The following ANO10 variants were observed in gnomAD, a reference collection of about 807,000 sequenced individuals.
ANO10 encodes the protein anoctamin 10.
A neutral mutation model predicts 74.7 loss-of-function variants in ANO10; 77 were observed. The observed-to-expected ratio is 1.03, with a 90% CI of 0.86 to 1.25. The LOEUF is 1.25. Among genes scored for constraint, ANO10 ranks in the 50% most tolerant of loss-of-function variants. The probability of loss-of-function intolerance (pLI) is 0.00; values close to 1 mark genes in which losing one functional copy is unlikely to be tolerated. For synonymous variants in ANO10, 279 were observed against 284.9 expected, an observed-to-expected ratio of 0.98 and a Z score of 0.21; for missense variants, 721 against 778.1, an observed-to-expected ratio of 0.93 and a Z score of 0.87.
At chr3:43,389,705 G>A (rs1471985397) in intron 12 of ANO10, among the ~76,000 whole-genome samples, 4 of 152,158 alleles carry the variant, frequency 2.6e-5, no homozygotes. Context: ...GAAAACCAAT[G>A]GAAAGGAAGA....
At chr3:43,541,233 T>C (rs2078940602) in intron 11 of ANO10, among the ~76,000 whole-genome samples, 2 of 152,232 alleles carry the variant, frequency 1.3e-5, no homozygotes, top group African/African-American at 2.4e-5. Context: ...ACCTTTCAAT[T>C]AGGTGAAGAG....
chr3:43,664,076 A>C (rs2083958606), intron 1 of ANO10, among the ~76,000 whole-genome samples: 1 of 152,232 alleles, frequency 6.6e-6, no homozygotes, highest in Non-Finnish European at 1.5e-5. Flanking sequence ...TAGCCAAGAC[A>C]ATCCTGGGCA....
At chr3:43,476,080 A>G (rs1309080572) in intron 11 of ANO10, among the ~76,000 whole-genome samples, 1 of 152,180 alleles carries the variant, frequency 6.6e-6, no homozygotes, top group Admixed American at 6.5e-5. Context: ...AGAATCATAT[A>G]TTTTGATACA....
At chr3:43,636,102 C>A (rs1398619440) in intron 1 of ANO10, among the ~76,000 whole-genome samples, 4 of 152,030 alleles carry the variant, frequency 2.6e-5, no homozygotes, top group Non-Finnish European at 5.9e-5. Flanking sequence ...AACAAAGATT[C>A]AAGTGCAAGC....
intron 12 of ANO10, among the ~76,000 whole-genome samples, chr3:43,375,719 TCC>T (rs2091777809): frequency 6.6e-6 from 1 of 152,130 alleles, no homozygotes; most frequent in Non-Finnish European, 1.5e-5. Context: ...CAGGCAGGAC[TCC>T]CTGGACTCCA....
At chr3:43,550,961 T>C (rs1475952053) in intron 10 of ANO10, among the ~76,000 whole-genome samples, 1 of 152,192 alleles carries the variant, frequency 6.6e-6, no homozygotes, top group East Asian at 1.9e-4. Context: ...TCCTACTCCC[T>C]TTTCAGCATA....
At chr3:43,532,040 T>C (rs1389116911) in intron 11 of ANO10, among the ~76,000 whole-genome samples, 9 of 152,212 alleles carry the variant, frequency 5.9e-5, no homozygotes, top group Admixed American at 5.9e-4. Context: ...TGCTGATTCA[T>C]CTGCCAGCCC....
At chr3:43,682,699 G>A (rs565404690) in intron 1 of ANO10, among the ~76,000 whole-genome samples, 28 of 152,228 alleles carry the variant, frequency 1.8e-4, no homozygotes, top group Non-Finnish European at 2.6e-4. Context: ...CTGGCAAACC[G>A]AATCCAGCAG....
intron 3 of ANO10, among the ~76,000 whole-genome samples, chr3:43,599,288 G>A (rs949009798): frequency 2.0e-5 from 3 of 152,114 alleles, no homozygotes; most frequent in Non-Finnish European, 2.9e-5. Flanking sequence ...GCCCTGGCAG[G>A]GATCAGTTTG....
At chr3:43,571,260 T>G (rs1205497243) in intron 7 of ANO10, among the ~76,000 whole-genome samples, 1 of 152,040 alleles carries the variant, frequency 6.6e-6, no homozygotes, top group African/African-American at 2.4e-5. Context: ...GTTCAACCAT[T>G]GTGGAAGTCA....
At chr3:43,568,160 AC>A (rs932233055) in intron 7 of ANO10, among the ~76,000 whole-genome samples, 4 of 114,976 alleles carry the variant, frequency 3.5e-5, no homozygotes, top group South Asian at 7.2e-4. Context: ...TGCACCCAAT[AC>A]AGGAGCACCA....
At chr3:43,654,703 A>C (rs1192128334) in intron 1 of ANO10, among the ~76,000 whole-genome samples, 3 of 152,162 alleles carry the variant, frequency 2.0e-5, no homozygotes, top group African/African-American at 7.2e-5. Flanking sequence ...GATGGACAAG[A>C]GAAGAGAAGT....
chr3:43,538,822 G>A lies in ANO10; in HGVS notation c.1797+10898C>T, dbSNP rs537990236. On this transcript the variant is annotated intron_variant, in intron 11 of 12. Transcript: ENST00000292246. ...ACTGTTTCAGCTTCCTCAACCCAAC[G>A]AAGAGGCTGCTCCTGGTAAGGAGAG... 7.9e-5 allele frequency among the ~76,000 whole-genome samples: 12 copies of A among 152,240 alleles called. 1 individual carries two copies. In the South Asian group the frequency reaches 2.1e-3, roughly 26 times the overall value.
In ANO10 at chr3:43,543,705, AG is replaced by A. The variant is rs1223254505; in HGVS notation, c.1797+6014del. 2.6e-5 allele frequency among the ~76,000 whole-genome samples: 4 copies of A among 152,204 alleles called. No individual in the cohort carries two copies. In the East Asian group the frequency reaches 7.7e-4, roughly 29 times the overall value. On this transcript the variant is annotated intron_variant, in intron 11 of 12. Coordinates refer to ENST00000292246, the MANE Select transcript of ANO10 (RefSeq NM_018075.5). The stretch of plus-strand genomic sequence containing the variant: ...CCCGGCCTCAATTCTGCTTCTAAGC[AG>A]CTGCTGGCAGATGGAGAGGGGGTGC...
chr3:43,512,587 A>C lies in ANO10; in HGVS notation c.1797+37133T>G, dbSNP rs1285023339. Among the ~76,000 whole-genome samples, 3 of 152,160 alleles carry C rather than the reference A, an allele frequency of 2.0e-5. No homozygotes were observed. In the East Asian group the frequency reaches 5.8e-4, roughly 29 times the overall value. ...ATATATTACGTTTTGCAGTGGTGTG[A>C]ACAAGAATCTTGGACTAGAGGTTGC... On this transcript the variant is annotated intron_variant, in intron 11 of 12. Transcript: ENST00000292246.
At chr3:43,423,061 T>C (rs960057806) in intron 12 of ANO10, among the ~76,000 whole-genome samples, 2 of 152,084 alleles carry the variant, frequency 1.3e-5, no homozygotes, top group Non-Finnish European at 2.9e-5. Context: ...GGGGTTATTT[T>C]ACAATCTTGG....
chr3:43,691,411 A>G (rs570710723), intron 1 of ANO10: 25 of 169,260 alleles, frequency 1.5e-4, no homozygotes, highest in African/African-American at 1.9e-4. Flanking sequence ...GCCTGCCCCA[A>G]TGCCGCCGGC....
chr3:43,368,352 A>G (rs116283645), intron 12 of ANO10, among the ~76,000 whole-genome samples: 1,769 of 152,274 alleles, frequency 0.012, 19 homozygotes, highest in African/African-American at 0.027. Flanking sequence ...TAGGGGGTAG[A>G]CACACAAGTT....
chr3:43,683,187 A>G (rs1005760955), intron 1 of ANO10, among the ~76,000 whole-genome samples: 15 of 152,152 alleles, frequency 9.9e-5, no homozygotes, highest in Admixed American at 2.0e-4. Flanking sequence ...AAACCCCATC[A>G]TCTCAGCCCA....
Sources: gnomAD v4.1 joint callset for allele counts (sites outside exome capture counted in the v4.1 genomes callset) on GRCh38, gnomAD v4.1.1 for gene constraint, MANE v1.5 for transcripts, NCBI Gene and HGNC (gene_info 2026-07-23, HGNC 2026-07-21) for gene names.